EDRF1: variants seen among roughly 807,000 people sequenced by gnomAD.
EDRF1 encodes erythroid differentiation-related factor 1.
A neutral mutation model predicts 148.7 loss-of-function variants in EDRF1; 69 were observed. That is an observed-to-expected ratio of 0.46 (90% CI 0.38 to 0.57). The LOEUF is 0.57. EDRF1 is among the 20% of genes least tolerant of loss of function. EDRF1 has a pLI of 0.00. For missense variants in EDRF1, 1,118 were observed against 1,478.7 expected, an observed-to-expected ratio of 0.76 and a Z score of 4.00; for synonymous variants, 515 against 532.8, an observed-to-expected ratio of 0.97 and a Z score of 0.46.
intron 6 of EDRF1, among the ~76,000 whole-genome samples, chr10:125,726,257 A>G (rs926002167): frequency 1.3e-5 from 2 of 152,158 alleles, no homozygotes; most frequent in African/African-American, 4.8e-5. Flanking sequence ...AGACTCAGAG[A>G]CCCATTTGTA....
chr10:125,740,426 G>A (rs773562627), intron 15 of EDRF1, 37 bp from the exon 16 acceptor site: 2 of 1,604,888 alleles, frequency 1.2e-6, no homozygotes, highest in Non-Finnish European at 1.7e-6. Context: ...ACAGTCAAAT[G>A]AAATGTGCTG....
rs182657547 is a variant in EDRF1 at position 125,722,375 on chromosome 10, G to A, written c.318-693G>A. 2.0e-5 allele frequency among the ~76,000 whole-genome samples: 3 copies of A among 152,304 alleles called. No homozygotes were observed. The East Asian group carries it at 5.8e-4, about 29-fold the overall frequency. ...CACCTGAGAAAACGGAAGCTGAGAA[G>A]AGCTAAATAATTTGGCTCAAGCATA... On this transcript the variant is annotated intron_variant, in intron 2 of 24. Transcript: ENST00000356792.
rs1848211301 is a variant in EDRF1 at position 125,725,437 on chromosome 10, T to C, written c.630T>C (p.Tyr210=). 1 of 1,613,880 alleles carries C rather than the reference T, an allele frequency of 6.2e-7. No homozygotes were observed. Among genetic ancestry groups the C allele is most frequent in the African/African-American group, 1.3e-5 (1 of 74,928 alleles). Residue 210 remains tyrosine, a synonymous_variant, in exon 5 of 25, where the codon TAT becomes TAC. Coordinates refer to ENST00000356792, the MANE Select transcript of EDRF1 (RefSeq NM_001202438.2). Reference sequence around the variant, plus strand: ...AGGCAATTCTTTCCAAGTTTTTATATTACAGGTACTTGGCTACTTATTTAT... The same window carrying C: ...AGGCAATTCTTTCCAAGTTTTTATACTACAGGTACTTGGCTACTTATTTAT... ...YQKAILSKFL[Y]YSINGDGAAQ...
intron 9 of EDRF1, among the ~76,000 whole-genome samples, chr10:125,732,405 C>G (rs1848518820): frequency 6.6e-6 from 1 of 152,072 alleles, no homozygotes; most frequent in Non-Finnish European, 1.5e-5. Flanking sequence ...GTCACATGTT[C>G]AGTTTGAGGA....
At chr10:125,731,300 CAG>C (rs1181539098) in intron 9 of EDRF1, among the ~76,000 whole-genome samples, 3 of 152,300 alleles carry the variant, frequency 2.0e-5, no homozygotes, top group Admixed American at 1.3e-4. Flanking sequence ...GTGTAGCACA[CAG>C]AAATCTAGAT....
At chr10:125,738,766 T>C (rs1353323241) in intron 15 of EDRF1, among the ~76,000 whole-genome samples, 1 of 152,196 alleles carries the variant, frequency 6.6e-6, no homozygotes, top group Non-Finnish European at 1.5e-5. Flanking sequence ...ACTTCATATC[T>C]TGGCTTTGCG....
chr10:125,726,315 C>G (rs1028826547), intron 6 of EDRF1, among the ~76,000 whole-genome samples: 1 of 152,100 alleles, frequency 6.6e-6, no homozygotes, highest in Non-Finnish European at 1.5e-5. Flanking sequence ...GATTGTTAGA[C>G]CTAAAATATC....
chr10:125,760,083 C>T (rs1210628329), intron 24 of EDRF1, among the ~76,000 whole-genome samples: 1 of 152,236 alleles, frequency 6.6e-6, no homozygotes, highest in Non-Finnish European at 1.5e-5. Flanking sequence ...TTGATACACT[C>T]ACTGTAATTT....
chr10:125,723,566 C>T (rs1848106459), intron 3 of EDRF1, among the ~76,000 whole-genome samples: 1 of 152,106 alleles, frequency 6.6e-6, no homozygotes, highest in Admixed American at 6.5e-5. Flanking sequence ...TTAAGAAATC[C>T]TATCATGTAA....
intron 2 of EDRF1, among the ~76,000 whole-genome samples, chr10:125,721,764 C>T (rs1024729171): frequency 1.3e-5 from 2 of 152,156 alleles, no homozygotes; most frequent in Non-Finnish European, 2.9e-5. Context: ...AAACCTTGAA[C>T]ATTCCTTCAT....
rs781065462 is a variant in EDRF1 at position 125,723,797 on chromosome 10, C to T, written c.385-14C>T. On this transcript the variant is annotated splice_polypyrimidine_tract_variant and intron_variant, in intron 3 of 24. Transcript: ENST00000356792. ...ACAGTCTTTCTAAACTATTTTTTCTCTTAATTTTTTAAGAACATAAAAAAA... is the reference window on the plus strand; with the variant it reads ...ACAGTCTTTCTAAACTATTTTTTCTTTTAATTTTTTAAGAACATAAAAAAA... 3 of 1,610,064 alleles carry T rather than the reference C, an allele frequency of 1.9e-6. No homozygotes were observed. The highest frequency in any genetic ancestry group is 2.5e-6 in the Non-Finnish European group (3 of 1,177,214).
rs1475548292 is a variant in EDRF1 at position 125,719,932 on chromosome 10, G to T, written c.108+17G>T. 1 of 1,606,222 alleles carries T rather than the reference G, an allele frequency of 6.2e-7. No individual in the cohort carries two copies. Among genetic ancestry groups the T allele is most frequent in the Non-Finnish European group, 8.5e-7 (1 of 1,174,356 alleles). ...TCTGCACAGGTGAGTCCTCCGCGGAGGGGGACCTGCCAGGGATGTGGGAGC... is the reference window on the plus strand; with the variant it reads ...TCTGCACAGGTGAGTCCTCCGCGGATGGGGACCTGCCAGGGATGTGGGAGC... On this transcript the variant is annotated intron_variant, in intron 1 of 24. Coordinates refer to ENST00000356792, the MANE Select transcript of EDRF1 (RefSeq NM_001202438.2).
At chr10:125,749,718 T>TA (rs780843859) in intron 22 of EDRF1, 153 bp downstream of exon 22, 1 of 866,058 alleles carries the variant, frequency 1.2e-6, no homozygotes, top group Non-Finnish European at 1.8e-6. Context: ...GAGAAATCAC[T>TA]ACATGTTTTG....
rs1165979914 is a variant in EDRF1 at position 125,735,690 on chromosome 10, A to G, written c.1544A>G (p.Asp515Gly). ...ATGCTTTCAGAACTTTTTCAATTGG[A>G]TGAACCTAAAAAGGAAGAAAATTCA... ...NYMLSELFQLDEPKKEENSES... is the reference protein window; with the variant it reads ...NYMLSELFQLGEPKKEENSES... The change falls in exon 13 of 25, where the codon GAT becomes GGT. Residue 515 changes from aspartate to glycine, a missense_variant. Around this residue, in one of 3 missense-constraint regions of EDRF1, gnomAD observed 954 missense variants for 1,241.4 expected, o/e 0.77. Coordinates refer to ENST00000356792, the MANE Select transcript of EDRF1 (RefSeq NM_001202438.2). 6.2e-6 allele frequency: 10 copies of G among 1,613,426 alleles called. No homozygotes were observed. Among genetic ancestry groups the G allele is most frequent in the Non-Finnish European group, 7.6e-6 (9 of 1,179,484 alleles).
intron 22 of EDRF1, 133 bp downstream of exon 22, chr10:125,749,698 TAG>T (rs1849544770): frequency 9.6e-7 from 1 of 1,040,226 alleles, no homozygotes; most frequent in African/African-American, 1.6e-5. Context: ...TGACTTCGGG[TAG>T]AGAGGGTGAG....
In EDRF1 at chr10:125,731,071, CA is replaced by C. The variant is rs1848463009; in HGVS notation, c.1128+673del. Among the ~76,000 whole-genome samples the C allele has an allele frequency of 3.3e-5, 5 of 152,186 alleles. 1 individual carries two copies. In the South Asian group the frequency reaches 1.0e-3, roughly 32 times the overall value. On this transcript the variant is annotated intron_variant, in intron 9 of 24. Transcript: ENST00000356792. ...TTGAAGCAGGAGGATCACTTGAGCCCAGGAGTTTGAGGCTGCAGTGAGCTAT... is the reference window on the plus strand; with the variant it reads ...TTGAAGCAGGAGGATCACTTGAGCCCGGAGTTTGAGGCTGCAGTGAGCTAT...
chr10:125,763,532 C>A lies in EDRF1; in HGVS notation c.*60C>A. 6.5e-7 allele frequency: 1 copy of A among 1,532,294 alleles called. No homozygotes were observed. Among genetic ancestry groups the A allele is most frequent in the South Asian group, 1.1e-5 (1 of 87,878 alleles). The allele number at this position is 1,532,294 out of a possible 1,614,324, so 94.9% of individuals were successfully genotyped here. ...GCCTTCAACACGGAGCCGGTTTGTT[C>A]ATTCGGTGCTTTGTTTCATTAAATA... On this transcript the variant is annotated 3_prime_UTR_variant, in exon 25 of 25. Transcript: ENST00000356792. This position sits in a 1 kb window ranked among gnomAD's most constrained non-coding sequence, Gnocchi z 4.3.
In EDRF1 at chr10:125,733,458, T is replaced by G; in HGVS notation, c.1183T>G (p.Ser395Ala). The G allele has an allele frequency of 6.3e-7, 1 of 1,592,448 alleles. No individual in the cohort carries two copies. The highest frequency in any genetic ancestry group is 8.6e-7 in the Non-Finnish European group (1 of 1,161,970). Residue 395 changes from serine to alanine, a missense_variant, in exon 10 of 25, where the codon TCT becomes GCT. Coordinates refer to ENST00000356792, the MANE Select transcript of EDRF1 (RefSeq NM_001202438.2). ...TCCCAATTTGGAAAATTCTAATTTT[T>G]CTACTAAAGTCATAAAAGACATTGC... ...EIPNLENSNF[S>A]TKVIKDIAQN...
rs1451060595 is a variant in EDRF1, at chr10:125,719,836, A to C, written c.29A>C (p.Glu10Ala). The C allele has an allele frequency of 6.2e-7, 1 of 1,612,138 alleles. No individual in the cohort carries two copies. The highest frequency in any genetic ancestry group is 8.5e-7 in the Non-Finnish European group (1 of 1,179,576). The change falls in exon 1 of 25, where the codon GAG (glutamate) becomes GCG (alanine). Residue 10 changes from glutamate to alanine, a missense_variant. This residue lies in a region of EDRF1 where 65 missense variants were observed against 50.3 expected (regional missense o/e 1.29). Transcript: ENST00000356792. Reference protein sequence around the residue: MGDAKEAGAEGPPAGAAARG... With the variant: MGDAKEAGAAGPPAGAAARG... ...GGGGATGCCAAGGAGGCCGGAGCCG[A>C]GGGTCCGCCGGCCGGGGCCGCCGCT... is the stretch of plus-strand genomic sequence containing the variant.
Sources: gnomAD v4.1 joint callset for allele counts (sites outside exome capture counted in the v4.1 genomes callset) on GRCh38, gnomAD v4.1.1 for gene constraint, gnomAD v4.1.1 regional missense constraint, Gnocchi (gnomAD v3.1) non-coding constraint, MANE v1.5 for transcripts, NCBI Gene and HGNC (gene_info 2026-07-23, HGNC 2026-07-21) for gene names.